Variants in RBMS3 observed in about 807,000 individuals in gnomAD.
The protein encoded by RBMS3 is RNA binding motif single stranded interacting protein 3.
In RBMS3, 27 loss-of-function variants were observed where a neutral mutation model predicts 66.8. The ratio of observed to expected loss-of-function variants is 0.40; its 90% CI spans 0.30 to 0.56. The LOEUF is 0.56. Among genes scored for constraint, RBMS3 ranks in the 20% least tolerant of loss-of-function variants. The pLI is 0.40. For synonymous variants in RBMS3, 188 were observed against 183.0 expected (o/e 1.03, Z -0.22); for missense variants, 513 against 549.5 (o/e 0.93, Z 0.66).
chr3:29,923,927 A>T (rs898275603), intron 10 of RBMS3, among the ~76,000 whole-genome samples: 3 of 152,228 alleles, frequency 2.0e-5, no homozygotes, highest in African/African-American at 7.2e-5. Context: ...TTTTTGATGT[A>T]ATTATAATAG....
chr3:29,322,013 T>C (rs1270186030), intron 1 of RBMS3, among the ~76,000 whole-genome samples: 1 of 152,138 alleles, frequency 6.6e-6, no homozygotes, highest in African/African-American at 2.4e-5. Context: ...TGTACAAGAA[T>C]ACGTGATAAA....
At chr3:29,859,866 AC>A (rs1389448195) in intron 6 of RBMS3, among the ~76,000 whole-genome samples, 2 of 152,186 alleles carry the variant, frequency 1.3e-5, no homozygotes, top group East Asian at 3.9e-4. Context: ...ATACATACAT[AC>A]ACACATATGC....
At chr3:29,348,765 T>C (rs2036732782) in intron 1 of RBMS3, among the ~76,000 whole-genome samples, 1 of 152,154 alleles carries the variant, frequency 6.6e-6, no homozygotes, top group Admixed American at 6.5e-5. Context: ...AGGATCCACT[T>C]TAAGTAGCAA....
intron 6 of RBMS3, among the ~76,000 whole-genome samples, chr3:29,842,083 C>T (rs965776435): frequency 2.0e-5 from 3 of 152,034 alleles, no homozygotes; most frequent in Non-Finnish European, 1.5e-5. Flanking sequence ...TACACTTTTA[C>T]CATCATCTAA....
intron 6 of RBMS3, among the ~76,000 whole-genome samples, chr3:29,791,098 T>A (rs114488302): frequency 6.6e-6 from 1 of 152,204 alleles, no homozygotes; most frequent in South Asian, 2.1e-4. Context: ...TTGTAACACA[T>A]CTTGCTTTTA....
intron 2 of RBMS3, 41 bp downstream of exon 2, chr3:29,434,956 T>C (rs376339042): frequency 8.3e-6 from 13 of 1,572,774 alleles, no homozygotes; most frequent in East Asian, 2.3e-5. Context: ...CTCACTCCCA[T>C]ACTTGCCTTG....
intron 6 of RBMS3, among the ~76,000 whole-genome samples, chr3:29,843,848 C>G (rs570859892): frequency 6.6e-6 from 1 of 151,950 alleles, no homozygotes; most frequent in African/African-American, 2.4e-5. Flanking sequence ...ACCCGGGAGG[C>G]TGAGGCACAA....
chr3:29,970,955 C>A (rs1422300110), intron 12 of RBMS3, among the ~76,000 whole-genome samples: 1 of 152,082 alleles, frequency 6.6e-6, no homozygotes, highest in Non-Finnish European at 1.5e-5. Flanking sequence ...CACTCATGGG[C>A]TCCTCTCTCC....
chr3:29,488,546 G>A (rs1216354571), intron 3 of RBMS3, 47 bp downstream of exon 3: 3 of 1,517,540 alleles, frequency 2.0e-6, no homozygotes, highest in African/African-American at 1.4e-5. Flanking sequence ...TATGCTATCT[G>A]ATTAATGGTT....
intron 4 of RBMS3, among the ~76,000 whole-genome samples, chr3:29,712,846 T>C (rs2053232863): frequency 6.6e-6 from 1 of 152,136 alleles, no homozygotes. Flanking sequence ...CTCAGGCCTT[T>C]GGACTAGAAA....
At chr3:29,465,338 T>G (rs1353479877) in intron 2 of RBMS3, among the ~76,000 whole-genome samples, 1 of 152,194 alleles carries the variant, frequency 6.6e-6, no homozygotes, top group Non-Finnish European at 1.5e-5. Flanking sequence ...AGGCAATACA[T>G]TTTAATGAGT....
intron 3 of RBMS3, among the ~76,000 whole-genome samples, chr3:29,553,871 G>A (rs969096428): frequency 2.0e-5 from 3 of 149,992 alleles, no homozygotes; most frequent in South Asian, 2.1e-4. Context: ...GGTACACTGT[G>A]TGAATTTTAA....
At chr3:29,376,131 G>A (rs891939643) in intron 1 of RBMS3, among the ~76,000 whole-genome samples, 1 of 144,596 alleles carries the variant, frequency 6.9e-6, no homozygotes, top group Non-Finnish European at 1.5e-5. Flanking sequence ...ATAAGTGGGA[G>A]CTAAATGATG....
chr3:29,477,351 T>C (rs1274102373), intron 2 of RBMS3, among the ~76,000 whole-genome samples: 1 of 152,194 alleles, frequency 6.6e-6, no homozygotes, highest in South Asian at 2.1e-4. Flanking sequence ...ATAGCCATCC[T>C]AATCATCTTG....
chr3:29,869,470 TAC>T (rs563943463), intron 7 of RBMS3, among the ~76,000 whole-genome samples: 133 of 151,142 alleles, frequency 8.8e-4, no homozygotes, highest in African/African-American at 1.8e-3. Flanking sequence ...TATATGTATA[TAC>T]ACACACACAC....
At chr3:29,469,640 C>A (rs1011050169) in intron 2 of RBMS3, among the ~76,000 whole-genome samples, 2 of 149,824 alleles carry the variant, frequency 1.3e-5, no homozygotes, top group African/African-American at 4.9e-5. Flanking sequence ...TTTAAATAGA[C>A]AACTAACATG....
chr3:29,609,168 G>A (rs566162606), intron 4 of RBMS3, among the ~76,000 whole-genome samples: 6 of 152,060 alleles, frequency 3.9e-5, no homozygotes, highest in Non-Finnish European at 7.4e-5. Context: ...GAATATAAAA[G>A]TTTCTAAATG....
intron 10 of RBMS3, 101 bp downstream of exon 10, chr3:29,899,856 A>G (rs2060212689): frequency 2.6e-6 from 3 of 1,174,744 alleles, no homozygotes; most frequent in Middle Eastern, 2.0e-4. Context: ...TATAATATGT[A>G]ACTCGTTCAG....
At chr3:29,287,080 A>G (rs974036925) in intron 1 of RBMS3, among the ~76,000 whole-genome samples, 1 of 152,148 alleles carries the variant, frequency 6.6e-6, no homozygotes, top group Non-Finnish European at 1.5e-5. Context: ...AAAAGCGAAA[A>G]TGTATTCATG....
Sources: allele counts gnomAD v4.1 joint callset (sites outside exome capture counted in the v4.1 genomes callset), GRCh38; gene constraint gnomAD v4.1.1; transcripts MANE v1.5; gene names NCBI Gene and HGNC (gene_info 2026-07-23, HGNC 2026-07-21).